PPP2R2B: variants seen among roughly 807,000 people sequenced by gnomAD.
PPP2R2B encodes protein phosphatase 2 regulatory subunit Bbeta.
PPP2R2B carries 5 observed loss-of-function variants against 46.0 expected under a neutral mutation model. The ratio of observed to expected loss-of-function variants is 0.11; its 90% CI spans 0.06 to 0.23. The LOEUF is 0.23. PPP2R2B is among the 10% of genes least tolerant of loss of function. PPP2R2B has a pLI of 1.00. For synonymous variants in PPP2R2B, 215 were observed against 206.7 expected (o/e 1.04, Z -0.34); for missense variants, 367 against 575.0 (o/e 0.64, Z 3.70).
chr5:146,644,772 T>C (rs1775465882), intron 6 of PPP2R2B, among the ~76,000 whole-genome samples: 1 of 152,174 alleles, frequency 6.6e-6, no homozygotes, highest in South Asian at 2.1e-4. Flanking sequence ...AACAAGATAA[T>C]GGAAAAGATA....
At chr5:146,633,262 G>T (rs553779949) in intron 7 of PPP2R2B, among the ~76,000 whole-genome samples, 1 of 152,306 alleles carries the variant, frequency 6.6e-6, no homozygotes, top group Admixed American at 6.5e-5. Context: ...TCGGCATTTT[G>T]ATTAAATGCT....
intron 2 of PPP2R2B, among the ~76,000 whole-genome samples, chr5:146,819,380 T>C (rs1486689758): frequency 6.6e-6 from 1 of 151,824 alleles, no homozygotes; most frequent in Non-Finnish European, 1.5e-5. Context: ...TCATCTGGAG[T>C]AAATAGAACA....
At chr5:146,746,894 G>A (rs1412491836) in intron 2 of PPP2R2B, among the ~76,000 whole-genome samples, 3 of 152,144 alleles carry the variant, frequency 2.0e-5, no homozygotes, top group Non-Finnish European at 4.4e-5. Context: ...TGAGGCTCAG[G>A]AAGGCCAACC....
At chr5:146,987,443 T>C (rs977877158) in intron 1 of PPP2R2B, among the ~76,000 whole-genome samples, 5 of 152,024 alleles carry the variant, frequency 3.3e-5, no homozygotes, top group Admixed American at 1.3e-4. Flanking sequence ...ATAAGCAATA[T>C]AAAAAGATGT....
chr5:147,038,237 T>C (rs1278071603), intron 1 of PPP2R2B, among the ~76,000 whole-genome samples: 3 of 152,178 alleles, frequency 2.0e-5, no homozygotes, highest in African/African-American at 4.8e-5. Flanking sequence ...CTTGTTCTCA[T>C]AGAGCTTACA....
In PPP2R2B at chr5:146,581,840, G is replaced by C. The variant is rs1769910654; in HGVS notation, c.*8107C>G. Reference sequence around the variant, plus strand: ...AGTCTTCATAAGCCACCTGCATTTGGAGTTGAAAACCAATGGTCTAGATGA... The same window carrying C: ...AGTCTTCATAAGCCACCTGCATTTGCAGTTGAAAACCAATGGTCTAGATGA... On this transcript the variant is annotated 3_prime_UTR_variant, in exon 10 of 10. Transcript: ENST00000394411. 1 of 152,118 alleles carries C rather than the reference G, an allele frequency of 6.6e-6. No individual in the cohort carries two copies. The highest frequency in any genetic ancestry group is 1.5e-5 in the Non-Finnish European group (1 of 68,014). 9.4% of individuals were successfully genotyped at this position (152,118 alleles called of 1,614,324 possible). A position where few individuals can be genotyped will look rare whatever the true frequency, so the allele number is the denominator to read the frequency against.
In PPP2R2B at chr5:146,619,343, A is replaced by C. The variant is rs182983402; in HGVS notation, c.791-18883T>G. On this transcript the variant is annotated intron_variant, in intron 7 of 9. Coordinates refer to ENST00000394411, the MANE Select transcript of PPP2R2B (RefSeq NM_181675.4). ...AAAAATACAAACATTAGCTGGGTGC[A>C]GTGGTGTGTGCCTGTAATCCCAGCT... Among the ~76,000 whole-genome samples, 350 of 151,416 alleles carry C rather than the reference A, an allele frequency of 2.3e-3. 1 individual carries two copies. The highest frequency in any genetic ancestry group is 3.3e-3 in the Non-Finnish European group (221 of 67,878).
At chr5:146,609,483 T>C (rs1332814267) in intron 7 of PPP2R2B, among the ~76,000 whole-genome samples, 1 of 152,176 alleles carries the variant, frequency 6.6e-6, no homozygotes, top group Non-Finnish European at 1.5e-5. Flanking sequence ...TAGAACTGGA[T>C]GTGGAGCCAA....
chr5:146,627,015 C>T (rs903449038), intron 7 of PPP2R2B, among the ~76,000 whole-genome samples: 2 of 152,156 alleles, frequency 1.3e-5, no homozygotes, highest in African/African-American at 4.8e-5. Context: ...TTGGGCACTG[C>T]CTGCTCTGTT....
chr5:146,908,781 CCCTTCCTCCCTT>C (rs1561510963), intron 1 of PPP2R2B, among the ~76,000 whole-genome samples: 13 of 150,438 alleles, frequency 8.6e-5, no homozygotes, highest in African/African-American at 2.9e-4. Context: ...TTCCCGCCCT[CCCTTCCTCCCTT>C]CCTCCCTTCC....
chr5:146,843,605 C>T (rs867812187), intron 2 of PPP2R2B, among the ~76,000 whole-genome samples: 32 of 152,260 alleles, frequency 2.1e-4, no homozygotes, highest in African/African-American at 7.7e-4. Context: ...TCTATTTTGG[C>T]CACAAACTAA....
chr5:146,721,514 G>A (rs1432714352), intron 2 of PPP2R2B, among the ~76,000 whole-genome samples: 1 of 152,190 alleles, frequency 6.6e-6, no homozygotes, highest in Non-Finnish European at 1.5e-5. Flanking sequence ...CAGGATCCTG[G>A]CACTCTCCCA....
chr5:147,041,898 G>C (rs1756326618), intron 1 of PPP2R2B, among the ~76,000 whole-genome samples: 1 of 151,856 alleles, frequency 6.6e-6, no homozygotes, highest in South Asian at 2.1e-4. Flanking sequence ...ACCTAGCCTT[G>C]CTTCCACCTG....
chr5:146,798,061 T>A (rs1344361850), intron 2 of PPP2R2B, among the ~76,000 whole-genome samples: 1 of 152,206 alleles, frequency 6.6e-6, no homozygotes, highest in African/African-American at 2.4e-5. Flanking sequence ...GTCTTATTTT[T>A]AGTCTCCTCC....
intron 2 of PPP2R2B, among the ~76,000 whole-genome samples, chr5:146,742,141 T>A (rs1249384729): frequency 6.6e-6 from 1 of 152,216 alleles, no homozygotes; most frequent in African/African-American, 2.4e-5. Context: ...TGGCTAACCA[T>A]CTCAACAGCC....
At chr5:146,598,617 T>C (rs1771464086) in intron 8 of PPP2R2B, among the ~76,000 whole-genome samples, 1 of 152,228 alleles carries the variant, frequency 6.6e-6, no homozygotes, top group Non-Finnish European at 1.5e-5. Context: ...TTGGCAACTC[T>C]ACTTTTCTAA....
At chr5:146,953,846 C>G (rs1436254033) in intron 1 of PPP2R2B, among the ~76,000 whole-genome samples, 3 of 152,080 alleles carry the variant, frequency 2.0e-5, no homozygotes, top group African/African-American at 7.2e-5. Flanking sequence ...ATGCATACAT[C>G]TAAACACAAA....
intron 1 of PPP2R2B, among the ~76,000 whole-genome samples, chr5:147,045,934 C>T (rs1756523265): frequency 6.6e-6 from 1 of 152,162 alleles, no homozygotes; most frequent in Non-Finnish European, 1.5e-5. Context: ...CTTCGGATCT[C>T]AGCTCAAGTA....
At chr5:146,632,229 A>G (rs1168076191) in intron 7 of PPP2R2B, among the ~76,000 whole-genome samples, 5 of 152,192 alleles carry the variant, frequency 3.3e-5, no homozygotes, top group Non-Finnish European at 7.3e-5. Context: ...TTGGACACAG[A>G]CACTGATGGA....
Sources: gnomAD v4.1 joint callset for allele counts (sites outside exome capture counted in the v4.1 genomes callset) on GRCh38, gnomAD v4.1.1 for gene constraint, MANE v1.5 for transcripts, NCBI Gene and HGNC (gene_info 2026-07-23, HGNC 2026-07-21) for gene names.